The following TDRD3 variants were observed in gnomAD, a reference collection of about 807,000 sequenced individuals.
TDRD3 encodes tudor domain-containing protein 3.
In TDRD3, 45 loss-of-function variants were observed where a neutral mutation model predicts 86.7. The ratio of observed to expected loss-of-function variants is 0.52; its 90% CI spans 0.41 to 0.67. The LOEUF is 0.67. Among genes scored for constraint, TDRD3 ranks in the 30% least tolerant of loss-of-function variants. The probability of loss-of-function intolerance (pLI) is 0.00; values close to 1 mark genes in which losing one functional copy is unlikely to be tolerated. For missense variants in TDRD3, 814 were observed against 889.0 expected (o/e 0.92, Z 1.07); for synonymous variants, 298 against 301.7 (o/e 0.99, Z 0.13).
At position 60,525,196 on chromosome 13, in the gene TDRD3, C is replaced by G. The variant is rs562465945; in HGVS notation, c.1142-3171C>G. On this transcript the variant is annotated intron_variant, in intron 10 of 13. Transcript: ENST00000377881. ...TTTTTTTTTTTTTTTTTTTTTGAGA[C>G]GAGATCTCTGTCTGTCGCCCAGGCT... Among the ~76,000 whole-genome samples the G allele has an allele frequency of 3.6e-5, 3 of 82,768 alleles. No individual in the cohort carries two copies. The Admixed American group carries it at 5.9e-4, about 16-fold the overall frequency. 54.3% of individuals were successfully genotyped at this position (82,768 alleles called of 152,430 possible). A position where few individuals can be genotyped will look rare whatever the true frequency, so the allele number is the denominator to read the frequency against.
intron 7 of TDRD3, among the ~76,000 whole-genome samples, chr13:60,490,279 A>G (rs1218528841): frequency 1.3e-5 from 2 of 152,112 alleles, no homozygotes; most frequent in East Asian, 1.9e-4. Context: ...TTAGTCCTCA[A>G]GATAGTGAGA....
chr13:60,425,620 A>G lies in TDRD3; in HGVS notation c.42-14068A>G, dbSNP rs73208054. ...TATGGAAACAATCTAATGTCCATCG[A>G]TGGAAAAATGAATAAAGAAAATGTG... is the stretch of plus-strand genomic sequence containing the variant. On this transcript the variant is annotated intron_variant, in intron 1 of 13. Coordinates refer to ENST00000377881, the MANE Select transcript of TDRD3 (RefSeq NM_001146070.2). Among the ~76,000 whole-genome samples the G allele has an allele frequency of 6.0e-3, 913 of 152,308 alleles. 9 individuals are homozygous for G. Among genetic ancestry groups the G allele is most frequent in the Non-Finnish European group, 9.4e-3 (642 of 68,026 alleles).
chr13:60,472,476 AAAACAAAC>A (rs1246300071), intron 5 of TDRD3, among the ~76,000 whole-genome samples: 1 of 152,180 alleles, frequency 6.6e-6, no homozygotes, highest in African/African-American at 2.4e-5. Flanking sequence ...TGTCTACTGT[AAAACAAAC>A]AAACAAACAA....
intron 5 of TDRD3, among the ~76,000 whole-genome samples, chr13:60,469,206 A>G (rs1956020331): frequency 6.6e-6 from 1 of 152,180 alleles, no homozygotes; most frequent in Non-Finnish European, 1.5e-5. Flanking sequence ...TAAACAGCCA[A>G]GTTTGTGAAC....
intron 12 of TDRD3, among the ~76,000 whole-genome samples, chr13:60,538,738 C>T (rs1410660329): frequency 6.6e-6 from 1 of 152,074 alleles, no homozygotes; most frequent in Non-Finnish European, 1.5e-5. Flanking sequence ...AAACGAATTC[C>T]AGGAAACCAG....
At chr13:60,436,440 G>C (rs1178835632) in intron 1 of TDRD3, among the ~76,000 whole-genome samples, 1 of 152,010 alleles carries the variant, frequency 6.6e-6, no homozygotes, top group Non-Finnish European at 1.5e-5. Context: ...ATCTTGAGTC[G>C]ATTTTTGTAT....
intron 5 of TDRD3, among the ~76,000 whole-genome samples, chr13:60,480,703 C>T (rs1956290464): frequency 6.6e-6 from 1 of 152,008 alleles, no homozygotes; most frequent in African/African-American, 2.4e-5. Flanking sequence ...TAATTTACCT[C>T]AGGTTGGGGG....
chr13:60,567,423 A>C, intron 12 of TDRD3, 102 bp from the exon 13 acceptor site: 1 of 1,453,712 alleles, frequency 6.9e-7, no homozygotes. Flanking sequence ...ATTCCAGGGC[A>C]GCTTAAGAGA....
At chr13:60,529,479 A>G (rs1033673588) in intron 11 of TDRD3, among the ~76,000 whole-genome samples, 8 of 152,152 alleles carry the variant, frequency 5.3e-5, no homozygotes, top group Admixed American at 3.3e-4. Context: ...TTGTAAAAGT[A>G]ATTATGTGAA....
At chr13:60,563,311 T>A (rs911723622) in intron 12 of TDRD3, among the ~76,000 whole-genome samples, 21 of 152,054 alleles carry the variant, frequency 1.4e-4, no homozygotes, top group Non-Finnish European at 2.5e-4. Flanking sequence ...ATCTAAGTAT[T>A]TTCAGCAAAT....
At chr13:60,450,180 C>T (rs958153339) in intron 3 of TDRD3, among the ~76,000 whole-genome samples, 1 of 152,060 alleles carries the variant, frequency 6.6e-6, no homozygotes, top group Non-Finnish European at 1.5e-5. Flanking sequence ...TTTTTTGTTG[C>T]TAGAGCACCT....
At chr13:60,404,102 G>T (rs1304629379) in intron 1 of TDRD3, among the ~76,000 whole-genome samples, 1 of 152,186 alleles carries the variant, frequency 6.6e-6, no homozygotes, top group Non-Finnish European at 1.5e-5. Context: ...AGCCTTTCCA[G>T]TACTGATGAT....
At chr13:60,400,886 A>G (rs555126522) in intron 1 of TDRD3, among the ~76,000 whole-genome samples, 49 of 152,346 alleles carry the variant, frequency 3.2e-4, no homozygotes, top group African/African-American at 1.1e-3. Flanking sequence ...CCAGATGTCT[A>G]GAATAAAGAT....
chr13:60,523,456 T>G (rs1957334846), intron 10 of TDRD3, among the ~76,000 whole-genome samples: 1 of 152,132 alleles, frequency 6.6e-6, no homozygotes, highest in South Asian at 2.1e-4. Flanking sequence ...TTCTCTCAAA[T>G]CATACTAAAC....
At chr13:60,463,188 A>G (rs1360163824) in intron 4 of TDRD3, among the ~76,000 whole-genome samples, 1 of 152,020 alleles carries the variant, frequency 6.6e-6, no homozygotes, top group Non-Finnish European at 1.5e-5. Context: ...CCTGAGATCA[A>G]GAGTTCAAGA....
intron 7 of TDRD3, 27 bp downstream of exon 7, chr13:60,485,975 T>G (rs1346697062): frequency 6.3e-7 from 1 of 1,575,872 alleles, no homozygotes. Flanking sequence ...TTACACGTTT[T>G]ATTTCTTATC....
chr13:60,449,477 A>G (rs898834904), intron 3 of TDRD3, among the ~76,000 whole-genome samples: 1 of 152,096 alleles, frequency 6.6e-6, no homozygotes, highest in Non-Finnish European at 1.5e-5. Flanking sequence ...TGAAGAATAG[A>G]AATGTGGAAA....
intron 1 of TDRD3, among the ~76,000 whole-genome samples, chr13:60,420,075 A>G (rs1594910216): frequency 6.6e-6 from 1 of 152,090 alleles, no homozygotes; most frequent in African/African-American, 2.4e-5. Context: ...AATATTACAA[A>G]TATAGACTTA....
intron 12 of TDRD3, among the ~76,000 whole-genome samples, chr13:60,550,681 T>TAC (rs201348122): frequency 0.011 from 1,748 of 152,238 alleles, 37 homozygotes; most frequent in African/African-American, 0.04. Flanking sequence ...AATCACTTTG[T>TAC]AAAGTGCCAG....
Sources: allele counts gnomAD v4.1 joint callset (sites outside exome capture counted in the v4.1 genomes callset), GRCh38; gene constraint gnomAD v4.1.1; transcripts MANE v1.5; gene names NCBI Gene and HGNC (gene_info 2026-07-23, HGNC 2026-07-21).